Variants in RCN3 observed in about 807,000 individuals in gnomAD.
RCN3 encodes reticulocalbin-3.
RCN3 carries 41 observed loss-of-function variants against 35.9 expected under a neutral mutation model. The ratio of observed to expected loss-of-function variants is 1.14; its 90% CI spans 0.89 to 1.48. RCN3 has a LOEUF of 1.48. Ranked by LOEUF, RCN3 falls within the 40% of genes most tolerant of loss-of-function variation. The pLI is 0.00. For missense variants in RCN3, 451 were observed against 471.3 expected (o/e 0.96, Z 0.40); for synonymous variants, 187 against 193.4 (o/e 0.97, Z 0.27).
chr19:49,537,006 A>G, intron 3 of RCN3, 27 bp from the exon 4 acceptor site: 1 of 1,481,858 alleles, frequency 6.7e-7, no homozygotes, highest in Non-Finnish European at 9.0e-7. Context: ...ATTAAAGCTC[A>G]TCTCACTGAG....
intron 3 of RCN3, among the ~76,000 whole-genome samples, chr19:49,536,738 A>T (rs2080137513): frequency 6.6e-6 from 1 of 150,826 alleles, no homozygotes; most frequent in Non-Finnish European, 1.5e-5. Flanking sequence ...ACTCCCGAGT[A>T]GCTGGGATTA....
At chr19:49,538,601 C>T (rs970407775) in intron 4 of RCN3, among the ~76,000 whole-genome samples, 74 of 152,116 alleles carry the variant, frequency 4.9e-4, no homozygotes, top group Non-Finnish European at 2.1e-4. Flanking sequence ...TGTGAGCCAC[C>T]GTGCCCAGCC....
chr19:49,542,603 A>T lies in RCN3; in HGVS notation c.730A>T (p.Thr244Ser). 1 of 1,609,624 alleles carries T rather than the reference A, an allele frequency of 6.2e-7. No individual in the cohort carries two copies. Among genetic ancestry groups the T allele is most frequent in the Non-Finnish European group, 8.5e-7 (1 of 1,178,460 alleles). The change falls in exon 6 of 7, where the codon ACG becomes TCG. Residue 244 changes from threonine (T) to serine (S), a missense_variant. Physicochemically the swap from Thr to Ser is moderately conservative, Grantham distance 58. Transcript: ENST00000270645. ...PGEEEPAWVQ[T>S]ERQQFRDFRD... is the part of the protein sequence containing the mutation. ...GGAGGAGGAGCCGGCGTGGGTGCAG[A>T]CGGAGAGGCAGCAGTTCCGGGACTT...
chr19:49,532,681 G>A (rs912190252), intron 2 of RCN3, among the ~76,000 whole-genome samples: 9 of 129,824 alleles, frequency 6.9e-5, no homozygotes, highest in South Asian at 4.9e-4. Flanking sequence ...GCCTATTATT[G>A]TTATTATTAT....
chr19:49,540,779 G>A (rs1312706590), intron 5 of RCN3, among the ~76,000 whole-genome samples: 1 of 151,778 alleles, frequency 6.6e-6, no homozygotes, highest in Non-Finnish European at 1.5e-5. Flanking sequence ...GGCCTCTGGA[G>A]ATACTTCTGG....
intron 2 of RCN3, 113 bp downstream of exon 2, chr19:49,528,827 G>T: frequency 7.8e-7 from 1 of 1,287,570 alleles, no homozygotes; most frequent in Non-Finnish European, 1.0e-6. Flanking sequence ...TTCTTTGTGA[G>T]AAATGAAATT....
At chr19:49,537,781 G>A (rs1003719741) in intron 4 of RCN3, among the ~76,000 whole-genome samples, 6 of 151,660 alleles carry the variant, frequency 4.0e-5, no homozygotes, top group Non-Finnish European at 7.4e-5. Flanking sequence ...TTATAGGCAT[G>A]AGCCACCGTG....
At chr19:49,529,740 TTTTA>T (rs57928834) in intron 2 of RCN3, among the ~76,000 whole-genome samples, 2,658 of 151,024 alleles carry the variant, frequency 0.018, 182 homozygotes, top group East Asian at 0.16. Context: ...GAGTTGCAAT[TTTTA>T]TTTATTTATT....
At chr19:49,530,368 A>C (rs1601206728) in intron 2 of RCN3, among the ~76,000 whole-genome samples, 1 of 143,250 alleles carries the variant, frequency 7.0e-6, no homozygotes, top group African/African-American at 2.6e-5. Flanking sequence ...ATGGGGTTTC[A>C]CTGTGTTGCC....
chr19:49,536,370 G>A (rs2080135385), intron 3 of RCN3, among the ~76,000 whole-genome samples: 1 of 142,834 alleles, frequency 7.0e-6, no homozygotes, highest in East Asian at 2.0e-4. Context: ...GCAAGGTCTC[G>A]GCTTACTACA....
At chr19:49,530,963 T>A (rs1353857518) in intron 2 of RCN3, among the ~76,000 whole-genome samples, 2 of 152,132 alleles carry the variant, frequency 1.3e-5, no homozygotes, top group Non-Finnish European at 2.9e-5. Context: ...GCAACAGTTC[T>A]GAGGCCCGTG....
Position 49,534,333 on chromosome 19 carries a change from A to C in RCN3, c.383A>C (p.Asp128Ala). The C allele has an allele frequency of 6.6e-7, 1 of 1,522,360 alleles. No homozygotes were observed. The highest frequency in any genetic ancestry group is 8.8e-7 in the Non-Finnish European group (1 of 1,136,842). 94.3% of individuals were successfully genotyped at this position (1,522,360 alleles called of 1,614,324 possible). A position where few individuals can be genotyped will look rare whatever the true frequency, so the allele number is the denominator to read the frequency against. ...VSAAWDTYDTDRDGRVGWEEL... is the reference protein window; with the variant it reads ...VSAAWDTYDTARDGRVGWEEL... Reference sequence around the variant, plus strand: ...GCGGCCTGGGACACGTACGACACGGACCGCGACGGGCGTGTGGGTTGGGAG... The same window carrying C: ...GCGGCCTGGGACACGTACGACACGGCCCGCGACGGGCGTGTGGGTTGGGAG... The change falls in exon 3 of 7, where the codon GAC (aspartate) becomes GCC (alanine). Residue 128 changes from aspartate (D) to alanine (A), a missense_variant. Physicochemically the swap from Asp to Ala is moderately radical, Grantham distance 126. Transcript: ENST00000270645.
chr19:49,533,822 C>T (rs931379620), intron 2 of RCN3, among the ~76,000 whole-genome samples: 1 of 152,094 alleles, frequency 6.6e-6, no homozygotes, highest in Non-Finnish European at 1.5e-5. Context: ...GGTCACAGTG[C>T]GACGCCGCGC....
Position 49,528,563 on chromosome 19 carries a change from CA to C in RCN3, c.92del (p.Gln31ArgfsTer10). 1.9e-6 allele frequency: 3 copies of C among 1,601,762 alleles called. No homozygotes were observed. Among genetic ancestry groups the C allele is most frequent in the Non-Finnish European group, 2.6e-6 (3 of 1,174,698 alleles). On this transcript the variant is annotated frameshift_variant, in exon 2 of 7. Coordinates refer to ENST00000270645, the MANE Select transcript of RCN3 (RefSeq NM_020650.3). The stretch of plus-strand genomic sequence containing the variant: ...ATCCCCAGACGCAGGCCCTCATGGC[CA>C]GGGGAGGGTGCACCAGGCGGCCCCC... ...KPSPDAGPHG[Q>X]GRVHQAAPLS...
rs1027308927 is a variant in RCN3 at position 49,528,587 on chromosome 19, C to A, written c.115C>A (p.Pro39Thr). Residue 39 changes from proline to threonine, a missense_variant, in exon 2 of 7, where the codon CCC becomes ACC. Physicochemically the swap from Pro to Thr is conservative, Grantham distance 38. Transcript: ENST00000270645. The part of the protein sequence containing the change: ...HGQGRVHQAA[P>T]LSDAPHDDAH... ...CCAGGGGAGGGTGCACCAGGCGGCCCCCCTGAGCGACGCTCCCCATGATGA... is the reference window on the plus strand; with the variant it reads ...CCAGGGGAGGGTGCACCAGGCGGCCACCCTGAGCGACGCTCCCCATGATGA... The A allele has an allele frequency of 6.8e-6, 11 of 1,609,742 alleles. No homozygotes were observed. The highest frequency in any genetic ancestry group is 1.1e-5 in the South Asian group (1 of 90,378).
Position 49,529,982 on chromosome 19 carries a change from C to T in RCN3, c.242+1268C>T, listed in dbSNP as rs534526936. 7.9e-3 allele frequency among the ~76,000 whole-genome samples: 1,196 copies of T among 151,950 alleles called. 4 individuals are homozygous for T. The highest frequency in any genetic ancestry group is 0.012 in the Non-Finnish European group (846 of 67,952). ...TGTTGTTGTTTTTGAGATGGAGTCT[C>T]GCTCTGTCACCCAGGCTGGAGTGCA... On this transcript the variant is annotated intron_variant, in intron 2 of 6. Transcript: ENST00000270645.
intron 2 of RCN3, among the ~76,000 whole-genome samples, chr19:49,530,497 C>CTTTT (rs1220087922): frequency 7.8e-6 from 1 of 128,316 alleles, no homozygotes; most frequent in Non-Finnish European, 1.7e-5. Flanking sequence ...TCTTTTTTTT[C>CTTTT]TTTTTTTTTT....
At chr19:49,532,236 GC>G (rs1186466660) in intron 2 of RCN3, among the ~76,000 whole-genome samples, 13 of 146,880 alleles carry the variant, frequency 8.9e-5, no homozygotes, top group East Asian at 4.0e-4. Context: ...CTCCCGAGTA[GC>G]TGGGACTACA....
intron 4 of RCN3, among the ~76,000 whole-genome samples, chr19:49,538,092 A>G (rs1222522622): frequency 6.6e-6 from 1 of 151,108 alleles, no homozygotes; most frequent in African/African-American, 2.4e-5. Context: ...CTTGGGCTCA[A>G]GTAATCCTCC....
Sources: allele counts gnomAD v4.1 joint callset (sites outside exome capture counted in the v4.1 genomes callset), GRCh38; gene constraint gnomAD v4.1.1; transcripts MANE v1.5; gene names NCBI Gene and HGNC (gene_info 2026-07-23, HGNC 2026-07-21).